SOX5: variants seen among roughly 807,000 people sequenced by gnomAD.
The protein encoded by SOX5 is SRY-box transcription factor 5.
In SOX5, 9 loss-of-function variants were observed where a neutral mutation model predicts 92.0. The ratio of observed to expected loss-of-function variants is 0.10; its 90% confidence interval spans 0.06 to 0.17. The LOEUF (loss-of-function observed/expected upper bound fraction) is 0.17. SOX5 is among the 10% of genes least tolerant of loss of function. The probability of loss-of-function intolerance (pLI) is 1.00; values close to 1 mark genes in which losing one functional copy is unlikely to be tolerated. For synonymous variants in SOX5, 344 were observed against 336.3 expected (o/e 1.02, Z -0.25); for missense variants, 642 against 944.5 (o/e 0.68, Z 4.20).
At chr12:24,035,259 C>T (rs1287140431) in intron 4 of SOX5, among the ~76,000 whole-genome samples, 1 of 152,010 alleles carries the variant, frequency 6.6e-6, no homozygotes, top group Non-Finnish European at 1.5e-5. Flanking sequence ...AACTCTGGTC[C>T]TTTTATATGG....
intron 9 of SOX5, chr12:23,604,175 T>G: frequency 2.0e-6 from 1 of 506,818 alleles, no homozygotes; most frequent in Non-Finnish European, 3.6e-6. Context: ...TCTACTATAG[T>G]TATCGATACA....
At chr12:23,780,781 C>G in intron 3 of SOX5, among the ~76,000 whole-genome samples, 1 of 151,694 alleles carries the variant, frequency 6.6e-6, no homozygotes, top group East Asian at 1.9e-4. Flanking sequence ...ACTATAGAGC[C>G]AAGAAAGTAT....
At chr12:24,060,311 C>A (rs1939418672) in intron 4 of SOX5, among the ~76,000 whole-genome samples, 2 of 152,160 alleles carry the variant, frequency 1.3e-5, no homozygotes. Context: ...CCCAAGGCCA[C>A]AGAGCTAGGA....
chr12:23,665,386 G>C lies in SOX5; in HGVS notation c.931+58C>G, dbSNP rs1410378499. The C allele has an allele frequency of 2.5e-6, 4 of 1,569,388 alleles. No homozygotes were observed. The Admixed American group carries it at 6.7e-5, about 26-fold the overall frequency. On this transcript the variant is annotated intron_variant, in intron 7 of 14. Coordinates refer to ENST00000451604, the MANE Select transcript of SOX5 (RefSeq NM_006940.6). ...CTTGGTGTGGCAGGAATATTAAATT[G>C]CCTAATTTAAAGCTTTGCCCTCCAC...
At chr12:23,931,509 T>C (rs1312841996) in intron 1 of SOX5, among the ~76,000 whole-genome samples, 4 of 151,732 alleles carry the variant, frequency 2.6e-5, no homozygotes, top group African/African-American at 4.8e-5. Flanking sequence ...AGGCATGGTA[T>C]AAAGTAGTTA....
intron 2 of SOX5, among the ~76,000 whole-genome samples, chr12:23,848,310 A>G (rs957750147): frequency 2.0e-5 from 3 of 152,224 alleles, no homozygotes; most frequent in Non-Finnish European, 4.4e-5. Flanking sequence ...CCCATTTTGC[A>G]TATCTCTAAC....
intron 1 of SOX5, among the ~76,000 whole-genome samples, chr12:24,413,705 A>G (rs1037018264): frequency 6.6e-6 from 1 of 152,196 alleles, no homozygotes; most frequent in Non-Finnish European, 1.5e-5. Flanking sequence ...GCAATAGATA[A>G]CAAATAAATG....
chr12:24,031,223 G>A (rs115520514), intron 4 of SOX5, among the ~76,000 whole-genome samples: 351 of 139,410 alleles, frequency 2.5e-3, no homozygotes, highest in African/African-American at 9.0e-3. Flanking sequence ...ATACACAAAG[G>A]AAATCAGTAT....
At chr12:24,429,381 T>C (rs139582439) in intron 1 of SOX5, among the ~76,000 whole-genome samples, 1 of 151,994 alleles carries the variant, frequency 6.6e-6, no homozygotes, top group South Asian at 2.1e-4. Context: ...TGGAATAGTA[T>C]GAAATGCTAT....
chr12:23,819,944 C>T (rs1349764917), intron 3 of SOX5, among the ~76,000 whole-genome samples: 1 of 152,020 alleles, frequency 6.6e-6, no homozygotes, highest in Non-Finnish European at 1.5e-5. Flanking sequence ...GGGTATATAC[C>T]CAGTAACAGG....
At chr12:24,544,797 C>T (rs1164613901) in intron 1 of SOX5, among the ~76,000 whole-genome samples, 1 of 152,188 alleles carries the variant, frequency 6.6e-6, no homozygotes, top group African/African-American at 2.4e-5. Context: ...CTGTCTCCAA[C>T]GCACTTTGTC....
intron 2 of SOX5, among the ~76,000 whole-genome samples, chr12:23,852,043 C>T (rs1347703398): frequency 1.3e-5 from 2 of 152,140 alleles, no homozygotes; most frequent in Admixed American, 1.3e-4. Flanking sequence ...TTAAGGAATG[C>T]TTATATTATA....
chr12:24,353,843 G>A (rs1408509712), intron 2 of SOX5, among the ~76,000 whole-genome samples: 1 of 152,094 alleles, frequency 6.6e-6, no homozygotes, highest in African/African-American at 2.4e-5. Flanking sequence ...GTTTCACCAT[G>A]TTGGCCAGTC....
At chr12:23,995,796 T>A (rs1276960462) in intron 4 of SOX5, among the ~76,000 whole-genome samples, 4 of 152,206 alleles carry the variant, frequency 2.6e-5, no homozygotes, top group Non-Finnish European at 4.4e-5. Context: ...ACTCTGCTCA[T>A]CGTAGTTACA....
At chr12:24,276,389 C>T (rs1282200985) in intron 3 of SOX5, among the ~76,000 whole-genome samples, 1 of 152,096 alleles carries the variant, frequency 6.6e-6, no homozygotes, top group Non-Finnish European at 1.5e-5. Flanking sequence ...TAAGTCATAA[C>T]ACTGTAAGAG....
chr12:24,070,239 C>A (rs1244386286), intron 4 of SOX5, among the ~76,000 whole-genome samples: 3 of 152,136 alleles, frequency 2.0e-5, no homozygotes, highest in African/African-American at 7.2e-5. Context: ...CCTCCATTTC[C>A]ACCCCTTCCT....
chr12:24,246,909 G>C (rs1258316328), intron 3 of SOX5, among the ~76,000 whole-genome samples: 2 of 152,012 alleles, frequency 1.3e-5, no homozygotes, highest in Non-Finnish European at 2.9e-5. Flanking sequence ...TTATGAAACA[G>C]TCATACAAAA....
At chr12:23,629,202 GT>G (rs1223696901) in intron 8 of SOX5, among the ~76,000 whole-genome samples, 1 of 151,968 alleles carries the variant, frequency 6.6e-6, no homozygotes, top group Non-Finnish European at 1.5e-5. Flanking sequence ...AATTCAGAAG[GT>G]TGCCATTGTT....
intron 2 of SOX5, among the ~76,000 whole-genome samples, chr12:23,891,094 G>T (rs1026867172): frequency 1.3e-5 from 2 of 152,174 alleles, no homozygotes; most frequent in African/African-American, 4.8e-5. Flanking sequence ...AATATTTTGT[G>T]AATATATGTA....
Sources: gnomAD v4.1 joint callset for allele counts (sites outside exome capture counted in the v4.1 genomes callset) on GRCh38, gnomAD v4.1.1 for gene constraint, MANE v1.5 for transcripts, NCBI Gene and HGNC (gene_info 2026-07-23, HGNC 2026-07-21) for gene names.